The following ZNF426 variants were observed in gnomAD, a reference collection of about 807,000 sequenced individuals.
ZNF426 encodes the protein zinc finger protein 426.
In ZNF426, 23 loss-of-function variants were observed where a neutral mutation model predicts 24.0. That is an observed-to-expected ratio of 0.96 (90% CI 0.69 to 1.36). ZNF426 has a LOEUF of 1.36. Among genes scored for constraint, ZNF426 ranks in the 40% most tolerant of loss-of-function variants. The pLI is 0.00. For missense variants in ZNF426, 646 were observed against 658.4 expected (o/e 0.98, Z 0.21); for synonymous variants, 272 against 224.6 (o/e 1.21, Z -1.89).
chr19:9,528,792 T>G lies in ZNF426; in HGVS notation c.1253A>C (p.Lys418Thr). 1 of 1,614,088 alleles carries G rather than the reference T, an allele frequency of 6.2e-7. No individual in the cohort carries two copies. Among genetic ancestry groups the G allele is most frequent in the East Asian group, 2.2e-5 (1 of 44,872 alleles). The change falls in exon 8 of 8, where the codon AAG becomes ACG. Residue 418 changes from lysine (K) to threonine (T), a missense_variant. Transcript: ENST00000253115. Reference sequence around the variant, plus strand: ...CCCACATATCTTACACTCACAGGCCTTCTCTTCAGTGTGAGTTCTCAAATG... The same window carrying G: ...CCCACATATCTTACACTCACAGGCCGTCTCTTCAGTGTGAGTTCTCAAATG... Reference protein sequence around the residue: ...SGHLRTHTEEKACECKICGKV... With the variant: ...SGHLRTHTEETACECKICGKV...
chr19:9,534,733 T>C (rs2073939373), intron 4 of ZNF426, among the ~76,000 whole-genome samples: 1 of 151,684 alleles, frequency 6.6e-6, no homozygotes, highest in South Asian at 2.1e-4. Context: ...TAGCTGGGAG[T>C]CCAGTCATGT....
In ZNF426 at chr19:9,528,477, T is replaced by C; in HGVS notation, c.1568A>G (p.Glu523Gly). ...GGGTTTCTCTTCTGTGTGAGTTTTTTCATGAATTCTAAAGGAACTGGAACA... is the reference window on the plus strand; with the variant it reads ...GGGTTTCTCTTCTGTGTGAGTTTTTCCATGAATTCTAAAGGAACTGGAACA... ...FTCSSSFRIH[E>G]KTHTEEKPYK... Residue 523 changes from glutamate (E) to glycine (G), a missense_variant, in exon 8 of 8, where the codon GAA becomes GGA. By Grantham distance (98) the Glu-to-Gly change is moderately conservative. Coordinates refer to ENST00000253115, the MANE Select transcript of ZNF426 (RefSeq NM_024106.3). 1 of 1,614,140 alleles carries C rather than the reference T, an allele frequency of 6.2e-7. No homozygotes were observed. The highest frequency in any genetic ancestry group is 8.5e-7 in the Non-Finnish European group (1 of 1,180,022).
chr19:9,532,451 C>G (rs922981378), intron 6 of ZNF426, among the ~76,000 whole-genome samples: 1 of 151,638 alleles, frequency 6.6e-6, no homozygotes, highest in East Asian at 1.9e-4. Context: ...TGCGTCCCAC[C>G]ACCCTCGGCT....
Position 9,536,356 on chromosome 19 carries a change from C to T in ZNF426, c.-124G>A. Reference sequence around the variant, plus strand: ...CTCTTTAAACAGGGTTATTGGGATTCCTGTTGGTATTAATCAATAATCAAC... The same window carrying T: ...CTCTTTAAACAGGGTTATTGGGATTTCTGTTGGTATTAATCAATAATCAAC... On this transcript the variant is annotated splice_region_variant and 5_prime_UTR_variant, in exon 3 of 8. Coordinates refer to ENST00000253115, the MANE Select transcript of ZNF426 (RefSeq NM_024106.3). The T allele has an allele frequency of 6.3e-7, 1 of 1,590,738 alleles. No individual in the cohort carries two copies. The highest frequency in any genetic ancestry group is 8.6e-7 in the Non-Finnish European group (1 of 1,168,180).
intron 7 of ZNF426, among the ~76,000 whole-genome samples, chr19:9,530,108 G>A (rs770582907): frequency 3.3e-5 from 5 of 151,806 alleles, no homozygotes; most frequent in South Asian, 2.1e-4. Context: ...GCAACAAAGC[G>A]AGACTCCGTC....
Position 9,532,954 on chromosome 19 carries a change from G to T in ZNF426, c.245-29C>A, listed in dbSNP as rs776930492. ...AGCACAGAGAAATACATTAATGGAAGAGGCTCATAAAAAAGATTACAAACC... is the reference window on the plus strand; with the variant it reads ...AGCACAGAGAAATACATTAATGGAATAGGCTCATAAAAAAGATTACAAACC... On this transcript the variant is annotated intron_variant, in intron 5 of 7. Coordinates refer to ENST00000253115, the MANE Select transcript of ZNF426 (RefSeq NM_024106.3). The T allele has an allele frequency of 1.7e-5, 27 of 1,551,962 alleles. No individual in the cohort carries two copies. In the South Asian group the frequency reaches 3.1e-4, roughly 18 times the overall value.
Position 9,529,545 on chromosome 19 carries a change from G to A in ZNF426, c.500C>T (p.Thr167Ile), listed in dbSNP as rs770489936. ...GTCATGAGTGTTCCCTGTACTTTGAGTTCTCACGTGCGTCTTAAGGCATGA... is the reference window on the plus strand; with the variant it reads ...GTCATGAGTGTTCCCTGTACTTTGAATTCTCACGTGCGTCTTAAGGCATGA... Reference protein sequence around the residue: ...EHSCLKTHVRTQSTGNTHDCN... With the variant: ...EHSCLKTHVRIQSTGNTHDCN... Residue 167 changes from threonine to isoleucine, a missense_variant, in exon 8 of 8, where the codon ACT becomes ATT. Physicochemically the swap from Thr to Ile is moderately conservative, Grantham distance 89 (BLOSUM62 -1). Coordinates refer to ENST00000253115, the MANE Select transcript of ZNF426 (RefSeq NM_024106.3). 8 of 1,611,256 alleles carry A rather than the reference G, an allele frequency of 5.0e-6. No homozygotes were observed. Among genetic ancestry groups the A allele is most frequent in the Middle Eastern group, 3.3e-4 (2 of 6,062 alleles).
intron 6 of ZNF426, 93 bp downstream of exon 6, chr19:9,532,752 C>T (rs1161173287): frequency 4.5e-6 from 4 of 898,624 alleles, no homozygotes; most frequent in Non-Finnish European, 7.2e-6. Context: ...GTTTAGAGTG[C>T]AGGGAGAAAG....
chr19:9,538,101 T>C (rs2073995723), intron 2 of ZNF426, among the ~76,000 whole-genome samples, 158 bp downstream of exon 2: 1 of 152,170 alleles, frequency 6.6e-6, no homozygotes, highest in South Asian at 2.1e-4. Flanking sequence ...ACGCACACCC[T>C]ATAAACCTAA....
In ZNF426 at chr19:9,526,568, A is replaced by G. The variant is rs1404219439; in HGVS notation, c.*1812T>C. ...TATCAGCAGAAACATCCACACCTGA[A>G]AAGCAAAGAGAAGAATAAAAAAACA... On this transcript the variant is annotated 3_prime_UTR_variant, in exon 8 of 8. Transcript: ENST00000253115. 6.6e-6 allele frequency: 1 copy of G among 152,212 alleles called. No individual in the cohort carries two copies. Among genetic ancestry groups the G allele is most frequent in the African/African-American group, 2.4e-5 (1 of 41,454 alleles). 9.4% of individuals were successfully genotyped at this position (152,212 alleles called of 1,614,324 possible). A position where few individuals can be genotyped will look rare whatever the true frequency, so the allele number is the denominator to read the frequency against.
intron 4 of ZNF426, 37 bp downstream of exon 4, chr19:9,535,151 G>T: frequency 6.7e-7 from 1 of 1,500,764 alleles, no homozygotes. Context: ...GTGGATGCAA[G>T]TATGTCACTA....
At chr19:9,535,663 C>G (rs1402815451) in intron 3 of ZNF426, among the ~76,000 whole-genome samples, 2 of 146,298 alleles carry the variant, frequency 1.4e-5, no homozygotes, top group Admixed American at 1.3e-4. Flanking sequence ...AACTCCCCAT[C>G]TCTACAAAAA....
rs140022666 is a variant in ZNF426, at chr19:9,528,636, T to G, written c.1409A>C (p.His470Pro). 1.9e-6 allele frequency: 3 copies of G among 1,614,034 alleles called. No individual in the cohort carries two copies. Among genetic ancestry groups the G allele is most frequent in the African/African-American group, 1.3e-5 (1 of 74,900 alleles). ...STHLKIHMRI[H>P]TGEKPYECKQ... ...ACACTCATAGGGTTTTTCTCCAGTG[T>G]GGATTCGCATGTGAATTTTAAGGTG... Residue 470 changes from histidine (H) to proline (P), a missense_variant, in exon 8 of 8, where the codon CAC becomes CCC. By Grantham distance (77) the His-to-Pro change is moderately conservative. Transcript: ENST00000253115.
rs1024511920 is a variant in ZNF426 at position 9,525,664 on chromosome 19, T to C, written c.*2716A>G. ...ACCACACCCAGCTAATTTTTTTGTA[T>C]TTTTAGTAGAGACGGGGTTTCACCA... On this transcript the variant is annotated 3_prime_UTR_variant, in exon 8 of 8. Coordinates refer to ENST00000253115, the MANE Select transcript of ZNF426 (RefSeq NM_024106.3). 1 of 152,144 alleles carries C rather than the reference T, an allele frequency of 6.6e-6. No individual in the cohort carries two copies. Among genetic ancestry groups the C allele is most frequent in the African/African-American group, 2.4e-5 (1 of 41,422 alleles). 9.4% of individuals were successfully genotyped at this position (152,144 alleles called of 1,614,324 possible).
chr19:9,533,916 C>T lies in ZNF426; in HGVS notation c.168G>A (p.Trp56Ter). The T allele has an allele frequency of 6.2e-7, 1 of 1,614,112 alleles. No individual in the cohort carries two copies. The highest frequency in any genetic ancestry group is 8.5e-7 in the Non-Finnish European group (1 of 1,179,986). ...DVAVDFTQEE[W>*]TLLDSTQRSL... ...TTCTCTGAGTTGAGTCCAGTAAAGTCCACTCCTCCTGGGTGAAGTCCACAG... is the reference window on the plus strand; with the variant it reads ...TTCTCTGAGTTGAGTCCAGTAAAGTTCACTCCTCCTGGGTGAAGTCCACAG... The change falls in exon 5 of 8, where the codon TGG becomes TGA. Residue 56 changes from tryptophan (W) to a stop codon, truncating the protein, a stop_gained. Coordinates refer to ENST00000253115, the MANE Select transcript of ZNF426 (RefSeq NM_024106.3). LOFTEE classifies it high-confidence loss of function.
rs781096049 is a variant in ZNF426, at chr19:9,529,257, T to G, written c.788A>C (p.Asp263Ala). 1.9e-6 allele frequency: 3 copies of G among 1,613,372 alleles called. No individual in the cohort carries two copies. The highest frequency in any genetic ancestry group is 2.7e-5 in the African/African-American group (2 of 74,824). Residue 263 changes from aspartate to alanine, a missense_variant, in exon 8 of 8, where the codon GAC becomes GCC. Physicochemically the swap from Asp to Ala is moderately radical, Grantham distance 126. Coordinates refer to ENST00000253115, the MANE Select transcript of ZNF426 (RefSeq NM_024106.3). ...EWRNYGPGFI[D>A]STSLSVLIET... ...TATAAGCACAGAAAGGCTTGTAGAG[T>G]CAATAAAACCTGGCCCATAATTCCT...
Position 9,536,314 on chromosome 19 carries a change from A to C in ZNF426, c.-82T>G, listed in dbSNP as rs57888141. ...GGACACCTCATTAATCTAAATGGAC[A>C]GTGGCAATCTCCATTCCTCTTTAAA... On this transcript the variant is annotated 5_prime_UTR_variant, in exon 3 of 8. Coordinates refer to ENST00000253115, the MANE Select transcript of ZNF426 (RefSeq NM_024106.3). The C allele has an allele frequency of 5.6e-6, 9 of 1,613,262 alleles. No homozygotes were observed. The highest frequency in any genetic ancestry group is 6.8e-6 in the Non-Finnish European group (8 of 1,179,740).
Position 9,528,301 on chromosome 19 carries a change from G to C in ZNF426, c.*79C>G. 2 of 1,380,622 alleles carry C rather than the reference G, an allele frequency of 1.4e-6. No individual in the cohort carries two copies. The highest frequency in any genetic ancestry group is 1.4e-5 in the South Asian group (1 of 70,434). The allele number at this position is 1,380,622 out of a possible 1,614,324, so 85.5% of individuals were successfully genotyped here. A position where few individuals can be genotyped will look rare whatever the true frequency, so the allele number is the denominator to read the frequency against. ...ATTTTCATGCAGCTTCTTCTCTCCA[G>C]AGTGAGTTCATTCATGTCTTTAAAG... On this transcript the variant is annotated 3_prime_UTR_variant, in exon 8 of 8. Coordinates refer to ENST00000253115, the MANE Select transcript of ZNF426 (RefSeq NM_024106.3).
chr19:9,533,345 A>G (rs1302803063), intron 5 of ZNF426, among the ~76,000 whole-genome samples: 2 of 152,004 alleles, frequency 1.3e-5, no homozygotes, highest in Admixed American at 1.3e-4. Context: ...AATCCCAGCT[A>G]TTCGGGAGGC....
Sources: allele counts gnomAD v4.1 joint callset (sites outside exome capture counted in the v4.1 genomes callset), GRCh38; gene constraint gnomAD v4.1.1; transcripts MANE v1.5; gene names NCBI Gene and HGNC (gene_info 2026-07-23, HGNC 2026-07-21).